Variants in FSTL4 observed in about 807,000 individuals in gnomAD.
The protein encoded by FSTL4 is follistatin-related protein 4.
Under a neutral mutation model 78.2 loss-of-function variants are expected in FSTL4, and 28 were observed. The ratio of observed to expected loss-of-function variants is 0.36; its 90% CI spans 0.27 to 0.49. FSTL4 has a LOEUF of 0.49. Ranked by LOEUF, FSTL4 falls within the 20% of genes least tolerant of loss-of-function variation. The pLI is 0.98. For missense variants in FSTL4, 922 were observed against 1,084.9 expected (o/e 0.85, Z 2.11); for synonymous variants, 422 against 440.5 (o/e 0.96, Z 0.53).
chr5:133,734,584 C>T, the FSTL4 span, among the ~76,000 whole-genome samples: 1 of 152,160 alleles, frequency 6.6e-6, no homozygotes, highest in African/African-American at 2.4e-5. Flanking sequence ...AGTCATTGCA[C>T]TAACACTCTA....
chr5:133,719,574 G>A, the FSTL4 span, among the ~76,000 whole-genome samples: 1 of 151,122 alleles, frequency 6.6e-6, no homozygotes, highest in Non-Finnish European at 1.5e-5. Context: ...TCAAGAGGCT[G>A]AGGCAGGAGA....
chr5:133,243,053 T>C (rs1161486537), intron 7 of FSTL4, among the ~76,000 whole-genome samples: 3 of 152,262 alleles, frequency 2.0e-5, no homozygotes, highest in Non-Finnish European at 4.4e-5. Context: ...GCTGAGAGCA[T>C]ACGCTTCATT....
At chr5:133,677,017 G>A in the FSTL4 span, among the ~76,000 whole-genome samples, 2 of 152,100 alleles carry the variant, frequency 1.3e-5, no homozygotes, top group South Asian at 2.1e-4. Context: ...ACCCTTCCCC[G>A]GAGAAGATGC....
chr5:133,759,178 G>A, the FSTL4 span, among the ~76,000 whole-genome samples: 2 of 152,110 alleles, frequency 1.3e-5, no homozygotes, highest in Non-Finnish European at 2.9e-5. Context: ...AGACATAAAC[G>A]GGAAATTCTG....
the FSTL4 span, among the ~76,000 whole-genome samples, chr5:133,822,208 C>T: frequency 6.6e-6 from 1 of 152,214 alleles, no homozygotes; most frequent in African/African-American, 2.4e-5. Context: ...TCTTTAATAA[C>T]AAGAGGTCTC....
intron 14 of FSTL4, among the ~76,000 whole-genome samples, chr5:133,204,184 G>C (rs2126762765): frequency 6.6e-6 from 1 of 152,334 alleles, no homozygotes; most frequent in East Asian, 1.9e-4. Flanking sequence ...CAGGCTGGGA[G>C]GCAGCTAAAA....
chr5:133,267,118 T>C (rs116277771), intron 6 of FSTL4, among the ~76,000 whole-genome samples: 8,927 of 151,996 alleles, frequency 0.059, 345 homozygotes, highest in Non-Finnish European at 0.084. Flanking sequence ...GGAGGAACGG[T>C]AGTAGGAAAA....
At chr5:133,782,013 G>C in the FSTL4 span, among the ~76,000 whole-genome samples, 25 of 152,198 alleles carry the variant, frequency 1.6e-4, no homozygotes, top group Non-Finnish European at 2.9e-4. Context: ...AGTAAATACA[G>C]CTGACACAAT....
At chr5:133,707,119 T>C in the FSTL4 span, among the ~76,000 whole-genome samples, 1 of 152,342 alleles carries the variant, frequency 6.6e-6, no homozygotes, top group South Asian at 2.1e-4. Flanking sequence ...AGTGCCTGGC[T>C]AAGGAGCACT....
intron 4 of FSTL4, among the ~76,000 whole-genome samples, chr5:133,379,282 G>A (rs1216167584): frequency 6.7e-6 from 1 of 149,368 alleles, no homozygotes; most frequent in Middle Eastern, 3.2e-3. Flanking sequence ...CAGAACTAAA[G>A]AAAGAAATAG....
At chr5:133,810,936 C>T in the FSTL4 span, among the ~76,000 whole-genome samples, 1 of 152,184 alleles carries the variant, frequency 6.6e-6, no homozygotes, top group African/African-American at 2.4e-5. Context: ...TCTATGCTTG[C>T]AGCTCGATTT....
At chr5:133,480,816 T>C (rs1449217917) in intron 3 of FSTL4, among the ~76,000 whole-genome samples, 2 of 152,162 alleles carry the variant, frequency 1.3e-5, no homozygotes, top group Non-Finnish European at 2.9e-5. Flanking sequence ...TGGATGATAG[T>C]TCTTCTGTTT....
the FSTL4 span, among the ~76,000 whole-genome samples, chr5:133,714,613 G>A: frequency 6.6e-6 from 1 of 152,310 alleles, no homozygotes; most frequent in Non-Finnish European, 1.5e-5. Context: ...TAAAACTTCT[G>A]CCAAGCTGTG....
the FSTL4 span, among the ~76,000 whole-genome samples, chr5:133,665,875 A>G: frequency 6.6e-6 from 1 of 152,204 alleles, no homozygotes; most frequent in African/African-American, 2.4e-5. Flanking sequence ...GCCCTTGCTC[A>G]AAGGCTGGTC....
At chr5:133,690,810 CAT>C in the FSTL4 span, among the ~76,000 whole-genome samples, 2 of 152,342 alleles carry the variant, frequency 1.3e-5, no homozygotes, top group Non-Finnish European at 2.9e-5. Context: ...TTCAAAACTT[CAT>C]ATTTGCTTCT....
chr5:133,378,302 T>C (rs1755489592), intron 4 of FSTL4, among the ~76,000 whole-genome samples: 1 of 152,224 alleles, frequency 6.6e-6, no homozygotes, highest in Non-Finnish European at 1.5e-5. Flanking sequence ...TATAAAATAA[T>C]ATGTTTATAA....
intron 3 of FSTL4, among the ~76,000 whole-genome samples, chr5:133,532,887 G>A (rs1759285185): frequency 6.6e-6 from 1 of 152,132 alleles, no homozygotes. Flanking sequence ...GGTCAAGGGA[G>A]TACCTGGAGA....
chr5:133,339,855 G>C (rs1481064977), intron 4 of FSTL4, among the ~76,000 whole-genome samples: 2 of 152,238 alleles, frequency 1.3e-5, no homozygotes, highest in African/African-American at 2.4e-5. Context: ...CTAGCTGAGA[G>C]CTCTGCCCCT....
intron 4 of FSTL4, among the ~76,000 whole-genome samples, chr5:133,343,749 T>G (rs1317062958): frequency 2.6e-5 from 4 of 152,234 alleles, no homozygotes; most frequent in Admixed American, 2.6e-4. Flanking sequence ...TGTATTGTCA[T>G]TCTGTGAGCA....
Sources: allele counts gnomAD v4.1 joint callset (sites outside exome capture counted in the v4.1 genomes callset), GRCh38; gene constraint gnomAD v4.1.1; transcripts MANE v1.5; gene names NCBI Gene and HGNC (gene_info 2026-07-23, HGNC 2026-07-21).